Variants in CAMK1D observed in about 807,000 individuals in gnomAD.
The protein encoded by CAMK1D is calcium/calmodulin-dependent protein kinase type 1D.
CAMK1D carries 9 observed loss-of-function variants against 47.7 expected under a neutral mutation model. The ratio of observed to expected loss-of-function variants is 0.19; its 90% confidence interval spans 0.11 to 0.33. The LOEUF (loss-of-function observed/expected upper bound fraction) is 0.33. Ranked by LOEUF, CAMK1D falls within the 10% of genes least tolerant of loss-of-function variation. The pLI is 1.00. For synonymous variants in CAMK1D, 184 were observed against 184.9 expected (o/e 0.99, Z 0.04); for missense variants, 291 against 488.7 (o/e 0.60, Z 3.81).
chr10:12,686,855 G>T (rs914504498), intron 3 of CAMK1D, among the ~76,000 whole-genome samples: 1 of 151,978 alleles, frequency 6.6e-6, no homozygotes, highest in Non-Finnish European at 1.5e-5. Context: ...TCTTCCCATG[G>T]CTTTAAGGCT....
At chr10:12,727,805 C>G (rs1834718839) in intron 3 of CAMK1D, among the ~76,000 whole-genome samples, 1 of 151,472 alleles carries the variant, frequency 6.6e-6, no homozygotes, top group Admixed American at 6.6e-5. Flanking sequence ...GCTCTGTCAC[C>G]TAGGCTGGAG....
At chr10:12,761,192 T>C in intron 4 of CAMK1D, 106 bp downstream of exon 4, 1 of 1,341,646 alleles carries the variant, frequency 7.5e-7, no homozygotes, top group Non-Finnish European at 1.0e-6. Context: ...TGATGTAGAG[T>C]GGGTGCAGCA....
chr10:12,454,565 C>T (rs1439375981), intron 1 of CAMK1D, among the ~76,000 whole-genome samples: 3 of 152,106 alleles, frequency 2.0e-5, no homozygotes, highest in African/African-American at 7.2e-5. Context: ...TGGGCTCAAG[C>T]GATTCTCCTG....
At chr10:12,759,189 A>C (rs1836378576) in intron 3 of CAMK1D, among the ~76,000 whole-genome samples, 1 of 152,172 alleles carries the variant, frequency 6.6e-6, no homozygotes, top group Admixed American at 6.5e-5. Flanking sequence ...TCTCTACTAA[A>C]AATACAAAAA....
At chr10:12,605,356 GTGTGTGTGTGTA>G (rs1208676921) in intron 2 of CAMK1D, among the ~76,000 whole-genome samples, 2 of 151,318 alleles carry the variant, frequency 1.3e-5, no homozygotes, top group Non-Finnish European at 2.9e-5. Context: ...GTGTGTGTGT[GTGTGTGTGTGTA>G]TGTGTGTCAA....
In CAMK1D at chr10:12,715,175, C is replaced by T. The variant is rs540299039; in HGVS notation, c.300-45773C>T. Among the ~76,000 whole-genome samples, 12 of 152,264 alleles carry T rather than the reference C, an allele frequency of 7.9e-5. No homozygotes were observed. In the East Asian group the frequency reaches 2.3e-3, roughly 29 times the overall value. ...CCTTGAGATCCACTTTCTCAGCTAC[C>T]ACGTATGAGTCGTCACAGTTCTTGA... On this transcript the variant is annotated intron_variant, in intron 3 of 10. Transcript: ENST00000619168.
intron 1 of CAMK1D, among the ~76,000 whole-genome samples, chr10:12,434,219 C>T (rs1008352372): frequency 2.6e-5 from 4 of 152,180 alleles, no homozygotes; most frequent in African/African-American, 9.7e-5. Flanking sequence ...AAAAATAAGT[C>T]TGTTGTTATA....
chr10:12,805,948 A>T (rs536890428), intron 6 of CAMK1D, among the ~76,000 whole-genome samples: 1 of 152,250 alleles, frequency 6.6e-6, no homozygotes, highest in African/African-American at 2.4e-5. Context: ...ACCAACACGC[A>T]TGCCACGATG....
intron 2 of CAMK1D, among the ~76,000 whole-genome samples, chr10:12,651,277 C>T: frequency 6.6e-6 from 1 of 152,194 alleles, no homozygotes; most frequent in East Asian, 1.9e-4. Context: ...TTAAACTGGG[C>T]TTAAGGAAGG....
At chr10:12,510,515 C>T (rs1835009552) in intron 1 of CAMK1D, among the ~76,000 whole-genome samples, 1 of 152,258 alleles carries the variant, frequency 6.6e-6, no homozygotes, top group African/African-American at 2.4e-5. Flanking sequence ...TTACCTACCA[C>T]ACAAACACTC....
At chr10:12,692,198 G>A (rs924167478) in intron 3 of CAMK1D, among the ~76,000 whole-genome samples, 1 of 152,196 alleles carries the variant, frequency 6.6e-6, no homozygotes, top group African/African-American at 2.4e-5. Context: ...GTTGATTTCA[G>A]CTGCAAAATT....
At chr10:12,489,246 C>A (rs961022265) in intron 1 of CAMK1D, among the ~76,000 whole-genome samples, 5 of 152,134 alleles carry the variant, frequency 3.3e-5, no homozygotes, top group Non-Finnish European at 7.3e-5. Flanking sequence ...CCTGTGCGGC[C>A]TGGTTTCTAA....
At chr10:12,814,879 A>C (rs1434951670) in intron 7 of CAMK1D, among the ~76,000 whole-genome samples, 2 of 152,204 alleles carry the variant, frequency 1.3e-5, no homozygotes, top group Non-Finnish European at 2.9e-5. Context: ...ATCTGGCTCG[A>C]GCCACGCTGA....
At chr10:12,712,420 C>T (rs1028362412) in intron 3 of CAMK1D, among the ~76,000 whole-genome samples, 1 of 152,190 alleles carries the variant, frequency 6.6e-6, no homozygotes, top group Non-Finnish European at 1.5e-5. Context: ...GGAATTGCTA[C>T]AACAGAACGC....
At chr10:12,395,602 G>T (rs1487174964) in intron 1 of CAMK1D, among the ~76,000 whole-genome samples, 1 of 152,054 alleles carries the variant, frequency 6.6e-6, no homozygotes, top group Non-Finnish European at 1.5e-5. Context: ...TAGCTTCTGG[G>T]GAAAACTTAC....
chr10:12,501,286 A>G (rs1455538886), intron 1 of CAMK1D, among the ~76,000 whole-genome samples: 1 of 152,206 alleles, frequency 6.6e-6, no homozygotes, highest in East Asian at 1.9e-4. Flanking sequence ...GCCCTTGTAT[A>G]TTCAGAGCAC....
intron 1 of CAMK1D, among the ~76,000 whole-genome samples, chr10:12,443,127 A>T (rs7086679): frequency 0.073 from 11,063 of 152,148 alleles, 490 homozygotes; most frequent in Middle Eastern, 0.099. Context: ...GTATCTAAGG[A>T]CTCTGGAAAA....
At chr10:12,739,063 C>T (rs578174525) in intron 3 of CAMK1D, among the ~76,000 whole-genome samples, 4 of 151,874 alleles carry the variant, frequency 2.6e-5, no homozygotes, top group African/African-American at 9.7e-5. Context: ...ATGGGGAAAC[C>T]TCGTTTCTGC....
intron 2 of CAMK1D, among the ~76,000 whole-genome samples, chr10:12,588,974 C>T (rs1837917015): frequency 6.6e-6 from 1 of 151,564 alleles, no homozygotes; most frequent in Non-Finnish European, 1.5e-5. Context: ...ATGTTACATA[C>T]ATACATACAT....
Sources: allele counts gnomAD v4.1 joint callset (sites outside exome capture counted in the v4.1 genomes callset), GRCh38; gene constraint gnomAD v4.1.1; transcripts MANE v1.5; gene names NCBI Gene and HGNC (gene_info 2026-07-23, HGNC 2026-07-21).